The following NDUFAF2 variants were observed in gnomAD, a reference collection of about 807,000 sequenced individuals.
The protein encoded by NDUFAF2 is NADH dehydrogenase [ubiquinone] 1 alpha subcomplex assembly factor 2.
Under a neutral mutation model 22.8 loss-of-function variants are expected in NDUFAF2, and 13 were observed. The observed-to-expected ratio is 0.57, with a 90% CI of 0.37 to 0.91. The LOEUF is 0.91. Among genes scored for constraint, NDUFAF2 ranks in the 40% least tolerant of loss-of-function variants. The probability of loss-of-function intolerance (pLI) is 0.01; values close to 1 mark genes in which losing one functional copy is unlikely to be tolerated. For missense variants in NDUFAF2, 162 were observed against 195.2 expected, an observed-to-expected ratio of 0.83 and a Z score of 1.01; for synonymous variants, 53 against 64.2, an observed-to-expected ratio of 0.83 and a Z score of 0.84.
chr5:60,983,080 A>T lies in NDUFAF2; in HGVS notation c.127+37698A>T, dbSNP rs1410571762. On this transcript the variant is annotated intron_variant, in intron 1 of 3. Coordinates refer to ENST00000296597, the MANE Select transcript of NDUFAF2 (RefSeq NM_174889.5). ...ACACCTGTTGTTTCCTGATTTTTTA[A>T]TGATTGCCATTCTAACTGGTGTGAG... is the stretch of plus-strand genomic sequence containing the variant. Among the ~76,000 whole-genome samples, 3 of 151,340 alleles carry T rather than the reference A, an allele frequency of 2.0e-5. No homozygotes were observed. The East Asian group carries it at 5.9e-4, about 30-fold the overall frequency.
chr5:61,027,126 G>A (rs181029179), intron 1 of NDUFAF2, among the ~76,000 whole-genome samples: 3 of 151,818 alleles, frequency 2.0e-5, no homozygotes, highest in African/African-American at 7.2e-5. Context: ...TAAATTAAGT[G>A]TTGGTCTTTA....
At chr5:61,089,884 T>G (rs1475211528) in intron 2 of NDUFAF2, among the ~76,000 whole-genome samples, 1 of 152,074 alleles carries the variant, frequency 6.6e-6, no homozygotes, top group Non-Finnish European at 1.5e-5. Context: ...ACTTTGGAAT[T>G]TTTTTAATGA....
intron 3 of NDUFAF2, among the ~76,000 whole-genome samples, chr5:61,126,919 A>C (rs1300976598): frequency 2.0e-5 from 3 of 152,184 alleles, no homozygotes. Context: ...AGAGAGAAGA[A>C]TCAAATAAAC....
chr5:61,107,046 TACACACACACACACACACACACACACAC>T (rs59521177), intron 3 of NDUFAF2, among the ~76,000 whole-genome samples: 1 of 123,938 alleles, frequency 8.1e-6, no homozygotes, highest in Non-Finnish European at 1.6e-5. Context: ...TGGATAAATA[TACACACACACACACACACACACACACAC>T]ACACACACAC....
At chr5:60,965,759 G>T (rs1370099582) in intron 1 of NDUFAF2, among the ~76,000 whole-genome samples, 1 of 151,874 alleles carries the variant, frequency 6.6e-6, no homozygotes, top group Non-Finnish European at 1.5e-5. Flanking sequence ...TTCCTTATCT[G>T]TTCATCTGTC....
chr5:60,967,997 A>G (rs1159410964), intron 1 of NDUFAF2, among the ~76,000 whole-genome samples: 1 of 151,442 alleles, frequency 6.6e-6, no homozygotes, highest in African/African-American at 2.4e-5. Context: ...GAGAGACTTT[A>G]TTACTGATCC....
intron 1 of NDUFAF2, among the ~76,000 whole-genome samples, chr5:60,973,996 G>A (rs1383199485): frequency 1.3e-5 from 2 of 152,108 alleles, no homozygotes; most frequent in Non-Finnish European, 2.9e-5. Flanking sequence ...GTAGAGACAG[G>A]GTGTGATGGT....
intron 1 of NDUFAF2, among the ~76,000 whole-genome samples, chr5:60,969,023 T>C (rs1750794359): frequency 6.6e-6 from 1 of 152,128 alleles, no homozygotes; most frequent in South Asian, 2.1e-4. Flanking sequence ...CCCATTCATA[T>C]TGTTGCAAAT....
chr5:60,981,951 TA>T (rs1208358494), intron 1 of NDUFAF2, among the ~76,000 whole-genome samples: 1 of 151,888 alleles, frequency 6.6e-6, no homozygotes, highest in African/African-American at 2.4e-5. Flanking sequence ...AAAAATGAAA[TA>T]AAAATAGACT....
At chr5:61,124,698 A>G (rs1223467534) in intron 3 of NDUFAF2, among the ~76,000 whole-genome samples, 2 of 152,104 alleles carry the variant, frequency 1.3e-5, no homozygotes, top group Non-Finnish European at 1.5e-5. Context: ...ACCATATTGC[A>G]CAGTACAAAT....
intron 2 of NDUFAF2, among the ~76,000 whole-genome samples, chr5:61,097,955 G>A (rs1752664773): frequency 6.6e-6 from 1 of 152,098 alleles, no homozygotes; most frequent in African/African-American, 2.4e-5. Flanking sequence ...CAACTGAAAT[G>A]ATAAAACAGT....
chr5:61,024,805 T>C (rs1751629222), intron 1 of NDUFAF2, among the ~76,000 whole-genome samples: 2 of 152,152 alleles, frequency 1.3e-5, no homozygotes, highest in Non-Finnish European at 2.9e-5. Context: ...ATTTAAAAAA[T>C]AAATGTTTAA....
chr5:61,080,251 T>C (rs889161191), intron 2 of NDUFAF2, among the ~76,000 whole-genome samples: 2 of 152,230 alleles, frequency 1.3e-5, no homozygotes, highest in Non-Finnish European at 2.9e-5. Flanking sequence ...TTAATTCATA[T>C]ACACATTCAC....
intron 2 of NDUFAF2, among the ~76,000 whole-genome samples, chr5:61,090,301 A>C (rs1017559172): frequency 6.6e-6 from 1 of 151,980 alleles, no homozygotes; most frequent in Non-Finnish European, 1.5e-5. Context: ...CAATTACTCA[A>C]CTCTAATGTT....
rs530483640 is a variant in NDUFAF2, at chr5:61,113,215, C to T, written c.258+14183C>T. 2.6e-5 allele frequency among the ~76,000 whole-genome samples: 4 copies of T among 152,172 alleles called. No homozygotes were observed. In the South Asian group the frequency reaches 8.3e-4, roughly 32 times the overall value. Reference sequence around the variant, plus strand: ...AGCAAAATTGGAGTTTTACAATATTCTATATTATTCTGTTTATTTACTATT... The same window carrying T: ...AGCAAAATTGGAGTTTTACAATATTTTATATTATTCTGTTTATTTACTATT... On this transcript the variant is annotated intron_variant, in intron 3 of 3. Transcript: ENST00000296597.
chr5:61,054,141 T>C (rs765545702), intron 1 of NDUFAF2, among the ~76,000 whole-genome samples: 1 of 152,026 alleles, frequency 6.6e-6, no homozygotes, highest in Non-Finnish European at 1.5e-5. Flanking sequence ...TTCAAGGCTG[T>C]AGTGAGTCAT....
chr5:61,103,910 C>T (rs1032386870), intron 3 of NDUFAF2, among the ~76,000 whole-genome samples: 1 of 152,006 alleles, frequency 6.6e-6, no homozygotes, highest in Non-Finnish European at 1.5e-5. Context: ...TTCTGTTTTT[C>T]ACTTTCAATA....
intron 2 of NDUFAF2, among the ~76,000 whole-genome samples, chr5:61,079,453 G>A (rs769669384): frequency 6.6e-6 from 1 of 152,100 alleles, no homozygotes; most frequent in Non-Finnish European, 1.5e-5. Context: ...AAATTAAAAC[G>A]CTGAGTTCAT....
intron 3 of NDUFAF2, among the ~76,000 whole-genome samples, chr5:61,132,400 C>T (rs1753123412): frequency 6.6e-6 from 1 of 152,104 alleles, no homozygotes; most frequent in Non-Finnish European, 1.5e-5. Flanking sequence ...TTTTGCTTCC[C>T]TCCCCCACCT....
Sources: gnomAD v4.1 joint callset for allele counts (sites outside exome capture counted in the v4.1 genomes callset) on GRCh38, gnomAD v4.1.1 for gene constraint, MANE v1.5 for transcripts, NCBI Gene and HGNC (gene_info 2026-07-23, HGNC 2026-07-21) for gene names.